CALD1: variants seen among roughly 807,000 people sequenced by gnomAD.
CALD1 encodes the protein caldesmon 1.
CALD1 carries 33 observed loss-of-function variants against 99.9 expected under a neutral mutation model. That is an observed-to-expected ratio of 0.33 (90% CI 0.25 to 0.44). CALD1 has a LOEUF of 0.44. Among genes scored for constraint, CALD1 ranks in the 20% least tolerant of loss-of-function variants. The probability of loss-of-function intolerance (pLI) is 1.00; values close to 1 mark genes in which losing one functional copy is unlikely to be tolerated. For synonymous variants in CALD1, 310 were observed against 325.0 expected, an observed-to-expected ratio of 0.95 and a Z score of 0.50; for missense variants, 861 against 962.1, an observed-to-expected ratio of 0.89 and a Z score of 1.39.
At chr7:134,953,651 C>T (rs560082879) in intron 9 of CALD1, among the ~76,000 whole-genome samples, 38 of 145,532 alleles carry the variant, frequency 2.6e-4, no homozygotes, top group Non-Finnish European at 5.1e-4. Context: ...CCAAATTCTA[C>T]TGTGGTTTTT....
Position 134,761,921 on chromosome 7 carries a change from G to T in CALD1, c.-130+17558G>T, listed in dbSNP as rs1585901625. 5.9e-5 allele frequency among the ~76,000 whole-genome samples: 9 copies of T among 152,216 alleles called. No homozygotes were observed. The South Asian group carries it at 1.9e-3, about 32-fold the overall frequency. ...TTGCAGCTTATAAACCATCTTAAAA[G>T]GGTAGTATTTAGCAGGAACGGACCT... On this transcript the variant is annotated intron_variant, in intron 1 of 13. Transcript: ENST00000417172.
rs887810138 is a variant in CALD1, at chr7:134,856,195, T to G, written c.-41-11498T>G. Reference sequence around the variant, plus strand: ...TTCCACGTATAGTACAGAGCTATAGTGCTTTAGCGAGGAAACAGGCAGGCA... The same window carrying G: ...TTCCACGTATAGTACAGAGCTATAGGGCTTTAGCGAGGAAACAGGCAGGCA... On this transcript the variant is annotated intron_variant, in intron 2 of 14. Coordinates refer to ENST00000361675, the MANE Select transcript of CALD1 (RefSeq NM_033138.4). Among the ~76,000 whole-genome samples, 40 of 152,334 alleles carry G rather than the reference T, an allele frequency of 2.6e-4. 1 individual carries two copies. The highest frequency in any genetic ancestry group is 6.5e-5 in the Admixed American group (1 of 15,308).
chr7:134,766,051 C>T (rs1796823080), intron 1 of CALD1, among the ~76,000 whole-genome samples: 1 of 151,772 alleles, frequency 6.6e-6, no homozygotes, highest in Admixed American at 6.6e-5. Flanking sequence ...TGAAAGATTC[C>T]TGAGGCTTCA....
At chr7:134,888,514 G>A (rs956831863) in intron 3 of CALD1, among the ~76,000 whole-genome samples, 3 of 152,128 alleles carry the variant, frequency 2.0e-5, no homozygotes, top group Non-Finnish European at 4.4e-5. Context: ...CCAGCCCCAG[G>A]CACCAGGTCT....
intron 1 of CALD1, among the ~76,000 whole-genome samples, chr7:134,823,394 C>A (rs1208819040): frequency 2.0e-5 from 3 of 152,102 alleles, no homozygotes; most frequent in African/African-American, 7.2e-5. Context: ...ATGAATTGCC[C>A]CCTTTTTATC....
intron 3 of CALD1, among the ~76,000 whole-genome samples, chr7:134,877,259 T>TC (rs1194422606): frequency 5.3e-5 from 8 of 152,152 alleles, no homozygotes; most frequent in African/African-American, 1.9e-4. Flanking sequence ...AAGGTACAAC[T>TC]CCATGTGTCA....
chr7:134,854,877 G>A (rs1331405434), intron 2 of CALD1, among the ~76,000 whole-genome samples: 1 of 152,192 alleles, frequency 6.6e-6, no homozygotes, highest in African/African-American at 2.4e-5. Flanking sequence ...GGAGGGGCCT[G>A]GTGGGAGGTG....
intron 2 of CALD1, among the ~76,000 whole-genome samples, chr7:134,853,983 T>A (rs1419117654): frequency 6.6e-6 from 1 of 152,016 alleles, no homozygotes; most frequent in Non-Finnish European, 1.5e-5. Flanking sequence ...TGTTCTTGTG[T>A]TAGTTTGCTG....
At chr7:134,782,096 A>C (rs1482285994) in intron 1 of CALD1, among the ~76,000 whole-genome samples, 1 of 152,198 alleles carries the variant, frequency 6.6e-6, no homozygotes, top group Non-Finnish European at 1.5e-5. Flanking sequence ...GTAGAAACAC[A>C]TGTAATTGTC....
the CALD1 span, among the ~76,000 whole-genome samples, chr7:134,711,960 T>A: frequency 6.9e-6 from 1 of 145,606 alleles, no homozygotes; most frequent in East Asian, 2.0e-4. Flanking sequence ...TTAACACAGT[T>A]CCTGGTGTAT....
intron 2 of CALD1, among the ~76,000 whole-genome samples, chr7:134,852,093 A>C (rs1800107286): frequency 6.6e-6 from 1 of 152,212 alleles, no homozygotes; most frequent in Non-Finnish European, 1.5e-5. Flanking sequence ...AGAGAAAGTG[A>C]TGGTACAAAA....
intron 1 of CALD1, among the ~76,000 whole-genome samples, chr7:134,787,160 C>T (rs890608940): frequency 6.6e-6 from 1 of 151,966 alleles, no homozygotes; most frequent in Non-Finnish European, 1.5e-5. Flanking sequence ...CCAAATAATC[C>T]GTTTGGCCAG....
intron 3 of CALD1, among the ~76,000 whole-genome samples, chr7:134,889,785 G>A (rs545002798): frequency 9.2e-5 from 14 of 152,164 alleles, no homozygotes; most frequent in South Asian, 4.1e-4. Context: ...ATATATGTTC[G>A]GTGATCATAT....
rs992909057 is a variant in CALD1 at position 134,787,310 on chromosome 7, T to C, written c.-130+7561T>C. ...AATGTGGCAAGAATAAAATTTCTCA[T>C]GGTATTTCCCACTTCCTTTTCCAGC... On this transcript the variant is annotated intron_variant, in intron 1 of 14. Coordinates refer to ENST00000361675, the MANE Select transcript of CALD1 (RefSeq NM_033138.4). Among the ~76,000 whole-genome samples the C allele has an allele frequency of 3.3e-5, 5 of 152,270 alleles. No homozygotes were observed. The East Asian group carries it at 7.7e-4, about 24-fold the overall frequency.
chr7:134,770,815 G>A (rs1336485073), intron 1 of CALD1, among the ~76,000 whole-genome samples: 2 of 152,180 alleles, frequency 1.3e-5, no homozygotes, highest in African/African-American at 4.8e-5. Context: ...AAGCAAACAT[G>A]TGACGCCTCT....
At chr7:134,948,609 G>A (rs1380425811) in intron 8 of CALD1, among the ~76,000 whole-genome samples, 1 of 152,056 alleles carries the variant, frequency 6.6e-6, no homozygotes, top group Non-Finnish European at 1.5e-5. Context: ...AATCAGTAAG[G>A]AGACCCCGCT....
intron 1 of CALD1, among the ~76,000 whole-genome samples, chr7:134,781,353 A>G (rs998080776): frequency 6.6e-6 from 1 of 152,200 alleles, no homozygotes; most frequent in African/African-American, 2.4e-5. Context: ...CGAATCCCTG[A>G]AAGTTCAAAC....
At chr7:134,750,756 G>GT (rs35880195) in intron 1 of CALD1, among the ~76,000 whole-genome samples, 95,743 of 150,236 alleles carry the variant, frequency 0.64, 30,727 homozygotes, top group East Asian at 0.88. Flanking sequence ...CTTCTATATT[G>GT]TTTTTTTTTC....
chr7:134,725,107 C>A, the CALD1 span, among the ~76,000 whole-genome samples: 57 of 152,284 alleles, frequency 3.7e-4, no homozygotes, highest in African/African-American at 1.3e-3. Context: ...CTCCTGACAG[C>A]CAGAAAGAAC....
Sources: allele counts gnomAD v4.1 joint callset (sites outside exome capture counted in the v4.1 genomes callset), GRCh38; gene constraint gnomAD v4.1.1; transcripts MANE v1.5; gene names NCBI Gene and HGNC (gene_info 2026-07-23, HGNC 2026-07-21).